Variants in COL23A1 observed in about 807,000 individuals in gnomAD.
COL23A1 encodes collagen alpha-1(XXIII) chain.
COL23A1 carries 97 observed loss-of-function variants against 99.3 expected under a neutral mutation model. The observed-to-expected ratio is 0.98, with a 90% CI of 0.83 to 1.16. The LOEUF is 1.16. Among genes scored for constraint, COL23A1 ranks in the 50% most tolerant of loss-of-function variants. The pLI, the probability that COL23A1 is intolerant of heterozygous loss-of-function variation, is 0.00. For synonymous variants in COL23A1, 320 were observed against 308.2 expected, an observed-to-expected ratio of 1.04 and a Z score of -0.40; for missense variants, 762 against 757.4, an observed-to-expected ratio of 1.01 and a Z score of -0.07.
chr5:178,376,526 C>T lies in COL23A1; in HGVS notation c.362-69607G>A, dbSNP rs545661873. ...CCCTGGTCTTCTAGACAAAGGGCAG[C>T]AGATGACCATAGCTGCTCTTTAGGA... On this transcript the variant is annotated intron_variant, in intron 2 of 28. Coordinates refer to ENST00000390654, the MANE Select transcript of COL23A1 (RefSeq NM_173465.4). 1.6e-4 allele frequency among the ~76,000 whole-genome samples: 24 copies of T among 152,354 alleles called. No individual in the cohort carries two copies. In the South Asian group the frequency reaches 5.0e-3, roughly 32 times the overall value.
chr5:178,290,572 G>A (rs561119755), intron 3 of COL23A1, among the ~76,000 whole-genome samples: 4 of 152,338 alleles, frequency 2.6e-5, no homozygotes, highest in East Asian at 1.9e-4. Context: ...TGGAGGGGCC[G>A]GGATGGTCAC....
rs577051715 is a variant in COL23A1, at chr5:178,468,292, A to G, written c.361+92390T>C. ...CCCTGCAGGAAGATCGGGAAGGTCT[A>G]AATCCAAGCTCATTAATAGGCCAGA... On this transcript the variant is annotated intron_variant, in intron 2 of 28. Transcript: ENST00000390654. The surrounding 1 kb of genome is among the most constrained non-coding windows in gnomAD (Gnocchi z 4.2). Among the ~76,000 whole-genome samples, 1 of 152,018 alleles carries G rather than the reference A, an allele frequency of 6.6e-6. No individual in the cohort carries two copies. Among genetic ancestry groups the G allele is most frequent in the South Asian group, 2.1e-4 (1 of 4,810 alleles).
At chr5:178,267,357 G>GC in intron 7 of COL23A1, 24 bp from the exon 8 acceptor site, 1 of 1,612,838 alleles carries the variant, frequency 6.2e-7, no homozygotes, top group Non-Finnish European at 8.5e-7. Flanking sequence ...ACAGGGAGAG[G>GC]CATCACCACT....
chr5:178,259,587 AGG>A (rs1256362709), intron 12 of COL23A1, 132 bp downstream of exon 12: 1 of 827,524 alleles, frequency 1.2e-6, no homozygotes, highest in African/African-American at 1.7e-5. Context: ...GGTGGAGAGA[AGG>A]CCGCCTTCCC....
rs1165885254 is a variant in COL23A1, at chr5:178,308,066, CATGT to C, written c.362-1151_362-1148del. On this transcript the variant is annotated intron_variant, in intron 2 of 28. Transcript: ENST00000390654. The surrounding 1 kb of genome is among the most constrained non-coding windows in gnomAD (Gnocchi z 5.1). ...GTCTCTATGTATGTGTGTTTGTGTG[CATGT>C]GTGTGTCTGTGTTTTTGTGTCTGTG... is the stretch of plus-strand genomic sequence containing the variant. Among the ~76,000 whole-genome samples the C allele has an allele frequency of 3.3e-5, 5 of 151,376 alleles. No individual in the cohort carries two copies. Among genetic ancestry groups the C allele is most frequent in the East Asian group, 1.9e-4 (1 of 5,182 alleles).
intron 2 of COL23A1, among the ~76,000 whole-genome samples, chr5:178,445,553 GAA>G (rs1383288930): frequency 1.3e-5 from 2 of 152,114 alleles, no homozygotes; most frequent in African/African-American, 2.4e-5. Context: ...ATATGAAACT[GAA>G]AAGAGTTGAC....
At chr5:178,349,047 T>C (rs1353878098) in intron 2 of COL23A1, among the ~76,000 whole-genome samples, 1 of 151,956 alleles carries the variant, frequency 6.6e-6, no homozygotes, top group African/African-American at 2.4e-5. Context: ...TTCCTGCGTC[T>C]TGCCGGGCAG....
At chr5:178,264,194 T>G (rs1300664769) in intron 8 of COL23A1, among the ~76,000 whole-genome samples, 1 of 152,060 alleles carries the variant, frequency 6.6e-6, no homozygotes, top group Non-Finnish European at 1.5e-5. Context: ...ATAAGGTTGG[T>G]GGATTGTATC....
At position 178,313,984 on chromosome 5, in the gene COL23A1, G is replaced by A. The variant is rs1278457869; in HGVS notation, c.362-7065C>T. On this transcript the variant is annotated intron_variant, in intron 2 of 28. Coordinates refer to ENST00000390654, the MANE Select transcript of COL23A1 (RefSeq NM_173465.4). This position sits in a 1 kb window ranked among gnomAD's most constrained non-coding sequence, Gnocchi z 4.2. ...TGCCCAACAAGGGAGCATTCTCTCT[G>A]CACATTCCCAGCTTGGCCTCACAAA... 1.3e-5 allele frequency among the ~76,000 whole-genome samples: 2 copies of A among 152,046 alleles called. No individual in the cohort carries two copies. The highest frequency in any genetic ancestry group is 2.4e-5 in the African/African-American group (1 of 41,364).
intron 4 of COL23A1, among the ~76,000 whole-genome samples, chr5:178,288,980 G>C (rs2913830): frequency 0.85 from 129,831 of 152,150 alleles, 55,634 homozygotes; most frequent in Non-Finnish European, 0.91. Flanking sequence ...AGTTAAAAAA[G>C]AAACAAAAAA....
At chr5:178,299,648 C>A (rs1757925007) in intron 3 of COL23A1, among the ~76,000 whole-genome samples, 1 of 151,758 alleles carries the variant, frequency 6.6e-6, no homozygotes, top group Non-Finnish European at 1.5e-5. Flanking sequence ...CATTTCATTT[C>A]TTTCTACCCT....
At position 178,248,209 on chromosome 5, in the gene COL23A1, T is replaced by A; in HGVS notation, c.1195A>T (p.Ser399Cys). The change falls in exon 20 of 29, where the codon AGC (serine) becomes TGC (cysteine). Residue 399 changes from serine (S) to cysteine (C), a missense_variant. Ser to Cys is a moderately radical substitution (Grantham distance 112). Transcript: ENST00000390654. Reference sequence around the variant, plus strand: ...CCCCTTACCAGGCTCTCCTGTAGGCTGTCAGACGCCGACTCCCCCTTCTCC... The same window carrying A: ...CCCCTTACCAGGCTCTCCTGTAGGCAGTCAGACGCCGACTCCCCCTTCTCC... ...KGEKGESASD[S>C]LQESLAQLIV... 1.2e-6 allele frequency: 2 copies of A among 1,607,716 alleles called. No homozygotes were observed. Among genetic ancestry groups the A allele is most frequent in the Non-Finnish European group, 1.7e-6 (2 of 1,174,790 alleles).
rs1491007611 is a variant in COL23A1, at chr5:178,309,938, GGC to G, written c.362-3021_362-3020del. Among the ~76,000 whole-genome samples the G allele has an allele frequency of 6.3e-3, 535 of 84,292 alleles. 5 individuals carry two copies. The highest frequency in any genetic ancestry group is 0.025 in the African/African-American group (515 of 20,818). The allele number at this position is 84,292 out of a possible 152,430, so 55.3% of individuals were successfully genotyped here. On this transcript the variant is annotated intron_variant, in intron 2 of 28. Coordinates refer to ENST00000390654, the MANE Select transcript of COL23A1 (RefSeq NM_173465.4). This position sits in a 1 kb window ranked among gnomAD's most constrained non-coding sequence, Gnocchi z 4.7. ...AGTGATGTGTGTTCAGGGGAGGAAG[GGC>G]GGGGGGGAGAGGGAGGGAGGGAGAA...
At chr5:178,426,440 C>T (rs1440114455) in intron 2 of COL23A1, among the ~76,000 whole-genome samples, 1 of 152,212 alleles carries the variant, frequency 6.6e-6, no homozygotes, top group African/African-American at 2.4e-5. Context: ...ATGCCTGGGC[C>T]ACCCTGTTTT....
chr5:178,476,300 T>G lies in COL23A1; in HGVS notation c.361+84382A>C, dbSNP rs117107087. 9.9e-5 allele frequency among the ~76,000 whole-genome samples: 15 copies of G among 152,272 alleles called. No homozygotes were observed. In the East Asian group the frequency reaches 2.9e-3, roughly 29 times the overall value. On this transcript the variant is annotated intron_variant, in intron 2 of 28. Coordinates refer to ENST00000390654, the MANE Select transcript of COL23A1 (RefSeq NM_173465.4). ...CCCTTTCCCAGCGGTATAAGAGCCC[T>G]TGGTCTGTTGAGTAACAGAGTGGAG...
chr5:178,549,064 C>T (rs1339698189), intron 2 of COL23A1, among the ~76,000 whole-genome samples: 2 of 152,104 alleles, frequency 1.3e-5, no homozygotes, highest in Admixed American at 1.3e-4. Context: ...GGCACGATCT[C>T]GGCTCACTGC....
chr5:178,508,033 C>A (rs781096459), intron 2 of COL23A1, among the ~76,000 whole-genome samples: 1 of 151,936 alleles, frequency 6.6e-6, no homozygotes, highest in South Asian at 2.1e-4. Flanking sequence ...TCTTCTTCTT[C>A]TTCTTCCTTT....
chr5:178,533,690 G>C (rs1256999765), intron 2 of COL23A1, among the ~76,000 whole-genome samples: 2 of 152,008 alleles, frequency 1.3e-5, no homozygotes, highest in South Asian at 2.1e-4. Flanking sequence ...GTAGAGATGG[G>C]GTTTCACCAT....
intron 2 of COL23A1, among the ~76,000 whole-genome samples, chr5:178,326,377 T>G (rs2127636837): frequency 6.6e-6 from 1 of 151,038 alleles, no homozygotes; most frequent in East Asian, 2.0e-4. Flanking sequence ...CCAAACATAC[T>G]TGGAAGTGGA....
Sources: gnomAD v4.1 joint callset for allele counts (sites outside exome capture counted in the v4.1 genomes callset) on GRCh38, gnomAD v4.1.1 for gene constraint, Gnocchi (gnomAD v3.1) non-coding constraint, MANE v1.5 for transcripts, NCBI Gene and HGNC (gene_info 2026-07-23, HGNC 2026-07-21) for gene names.